The following NELL1 variants were observed in gnomAD, a reference collection of about 807,000 sequenced individuals.
NELL1 encodes the protein neural EGFL like 1.
In NELL1, 76 loss-of-function variants were observed where a neutral mutation model predicts 107.4. The ratio of observed to expected loss-of-function variants is 0.71; its 90% confidence interval spans 0.59 to 0.86. The LOEUF (loss-of-function observed/expected upper bound fraction) is 0.86, where lower values mean the gene tolerates loss of function less well. Ranked by LOEUF, NELL1 falls within the 40% of genes least tolerant of loss-of-function variation. The pLI is 0.00. For missense variants in NELL1, 1,024 were observed against 1,005.5 expected, an observed-to-expected ratio of 1.02 and a Z score of -0.25; for synonymous variants, 353 against 341.2, an observed-to-expected ratio of 1.03 and a Z score of -0.38.
At chr11:21,056,805 A>G (rs1349624586) in intron 12 of NELL1, among the ~76,000 whole-genome samples, 2 of 152,130 alleles carry the variant, frequency 1.3e-5, no homozygotes, top group Non-Finnish European at 2.9e-5. Context: ...ATGAAAGTAT[A>G]TTAGAGATTA....
chr11:21,220,127 A>G (rs1035211677), intron 13 of NELL1, among the ~76,000 whole-genome samples: 1 of 152,210 alleles, frequency 6.6e-6, no homozygotes. Context: ...ACAATTCGAC[A>G]TGAGGTTTGG....
At chr11:20,940,856 AG>A (rs1328405455) in intron 10 of NELL1, among the ~76,000 whole-genome samples, 1 of 152,134 alleles carries the variant, frequency 6.6e-6, no homozygotes, top group Non-Finnish European at 1.5e-5. Context: ...ACCCACCTCC[AG>A]CCAGGCGTGG....
chr11:20,908,917 G>C (rs1233140158), intron 5 of NELL1, among the ~76,000 whole-genome samples: 1 of 152,100 alleles, frequency 6.6e-6, no homozygotes, highest in African/African-American at 2.4e-5. Flanking sequence ...ACAAAAGATG[G>C]AATGAAGCCA....
intron 13 of NELL1, among the ~76,000 whole-genome samples, chr11:21,211,250 G>C (rs1001902033): frequency 1.3e-5 from 2 of 152,128 alleles, no homozygotes; most frequent in African/African-American, 4.8e-5. Context: ...AGACATACTT[G>C]AGATCTCAAG....
intron 15 of NELL1, among the ~76,000 whole-genome samples, chr11:21,475,987 T>C (rs867924956): frequency 6.6e-6 from 1 of 152,314 alleles, no homozygotes; most frequent in Middle Eastern, 3.4e-3. Context: ...ATTCAAATGA[T>C]ACCTTAAAAT....
intron 12 of NELL1, among the ~76,000 whole-genome samples, chr11:21,021,010 A>AG (rs1852685999): frequency 1.0e-5 from 1 of 97,020 alleles, no homozygotes; most frequent in Non-Finnish European, 1.9e-5. Flanking sequence ...AAAGAAACTT[A>AG]GAACACACAC....
chr11:21,312,102 G>T (rs916432648), intron 14 of NELL1, among the ~76,000 whole-genome samples: 1 of 152,140 alleles, frequency 6.6e-6, no homozygotes, highest in Non-Finnish European at 1.5e-5. Flanking sequence ...CCAGCCTCCA[G>T]AGAATTCAAT....
At chr11:20,868,123 G>C (rs537898329) in intron 4 of NELL1, among the ~76,000 whole-genome samples, 2 of 152,062 alleles carry the variant, frequency 1.3e-5, no homozygotes, top group South Asian at 2.1e-4. Context: ...TGTTTTTAAG[G>C]CATCTTCATT....
chr11:20,759,527 T>A (rs531587220), intron 2 of NELL1, among the ~76,000 whole-genome samples: 1 of 152,288 alleles, frequency 6.6e-6, no homozygotes, highest in South Asian at 2.1e-4. Flanking sequence ...TAACCTCTCG[T>A]GTTTTGTGCG....
chr11:21,360,966 T>C (rs1851062570), intron 14 of NELL1, among the ~76,000 whole-genome samples: 2 of 152,188 alleles, frequency 1.3e-5, no homozygotes, highest in Admixed American at 1.3e-4. Context: ...TCAACGCTAA[T>C]ATTGAGATGT....
At chr11:21,120,014 T>C (rs1309206511) in intron 13 of NELL1, among the ~76,000 whole-genome samples, 1 of 152,088 alleles carries the variant, frequency 6.6e-6, no homozygotes, top group Admixed American at 6.6e-5. Flanking sequence ...CCCATGAAGG[T>C]AAGAAATAAA....
At chr11:21,250,661 A>G (rs1858614675) in intron 14 of NELL1, among the ~76,000 whole-genome samples, 1 of 152,204 alleles carries the variant, frequency 6.6e-6, no homozygotes, top group South Asian at 2.1e-4. Flanking sequence ...TCTAATTCAG[A>G]TCATTCCATA....
intron 14 of NELL1, among the ~76,000 whole-genome samples, chr11:21,358,990 C>CT (rs542871154): frequency 6.6e-6 from 1 of 152,040 alleles, no homozygotes; most frequent in Non-Finnish European, 1.5e-5. Flanking sequence ...TTTGATTGGT[C>CT]TAGCTAGGAC....
At chr11:20,747,810 T>C (rs1394973407) in intron 2 of NELL1, among the ~76,000 whole-genome samples, 1 of 152,210 alleles carries the variant, frequency 6.6e-6, no homozygotes, top group Non-Finnish European at 1.5e-5. Context: ...TTGTAAGTTT[T>C]AGGCCTTCTT....
intron 2 of NELL1, among the ~76,000 whole-genome samples, chr11:20,762,614 C>T: frequency 6.6e-6 from 1 of 152,166 alleles, no homozygotes; most frequent in South Asian, 2.1e-4. Context: ...GTCTCAGTCA[C>T]ACCCATACCC....
chr11:21,039,852 A>C, intron 12 of NELL1, among the ~76,000 whole-genome samples: 1 of 152,112 alleles, frequency 6.6e-6, no homozygotes, highest in East Asian at 1.9e-4. Flanking sequence ...CCCTTATTCT[A>C]TTAACCCACA....
chr11:20,720,800 G>T (rs1855362782), intron 2 of NELL1, among the ~76,000 whole-genome samples: 1 of 152,006 alleles, frequency 6.6e-6, no homozygotes, highest in South Asian at 2.1e-4. Flanking sequence ...CAGTCATACT[G>T]GGTTAGAGCT....
At chr11:21,237,839 A>G (rs1204561617) in intron 14 of NELL1, among the ~76,000 whole-genome samples, 1 of 152,016 alleles carries the variant, frequency 6.6e-6, no homozygotes, top group East Asian at 1.9e-4. Flanking sequence ...ATTCTTCTTT[A>G]TAGTCAGTAA....
intron 3 of NELL1, among the ~76,000 whole-genome samples, chr11:20,841,999 T>C (rs978586547): frequency 6.6e-6 from 1 of 152,154 alleles, no homozygotes; most frequent in Non-Finnish European, 1.5e-5. Context: ...TGGTCTAAGG[T>C]GGGGCACGGT....
Sources: gnomAD v4.1 joint callset for allele counts (sites outside exome capture counted in the v4.1 genomes callset) on GRCh38, gnomAD v4.1.1 for gene constraint, MANE v1.5 for transcripts, NCBI Gene and HGNC (gene_info 2026-07-23, HGNC 2026-07-21) for gene names.